Variants in TVP23B observed in about 807,000 individuals in gnomAD.
TVP23B encodes the protein Golgi apparatus membrane protein TVP23 homolog B.
In TVP23B, 10 loss-of-function variants were observed where a neutral mutation model predicts 30.6. That is an observed-to-expected ratio of 0.33 (90% CI 0.20 to 0.55). The LOEUF (loss-of-function observed/expected upper bound fraction) is 0.55, where lower values mean the gene tolerates loss of function less well. TVP23B is among the 20% of genes least tolerant of loss of function. TVP23B has a pLI of 0.91. For synonymous variants in TVP23B, 67 were observed against 83.1 expected (o/e 0.81, Z 1.06); for missense variants, 153 against 243.2 (o/e 0.63, Z 2.47).
At chr17:18,794,213 A>G (rs2036041409) in intron 3 of TVP23B, among the ~76,000 whole-genome samples, 1 of 152,252 alleles carries the variant, frequency 6.6e-6, no homozygotes, top group African/African-American at 2.4e-5. Flanking sequence ...CATCAATTTG[A>G]TAGCAGTATT....
At chr17:18,798,086 A>C (rs1352976490) in intron 4 of TVP23B, among the ~76,000 whole-genome samples, 3 of 152,250 alleles carry the variant, frequency 2.0e-5, no homozygotes, top group African/African-American at 7.2e-5. Context: ...GCAGCTGGAT[A>C]GAATATCTGA....
chr17:18,781,332 G>A (rs1393254591), intron 1 of TVP23B, 27 bp downstream of exon 1: 13 of 1,571,138 alleles, frequency 8.3e-6, no homozygotes, highest in African/African-American at 1.4e-5. Flanking sequence ...TCGCTGGGAG[G>A]GTGGCGGCTC....
rs868129120 is a variant in TVP23B at position 18,781,219 on chromosome 17, G to T, written c.-75G>T. ...CCCTGCTGGCCCTTGGTGACGGGTC[G>T]CCTCAGTTCCGACCCGGACCCGTAC... On this transcript the variant is annotated 5_prime_UTR_variant, in exon 1 of 7. Transcript: ENST00000307767. 1.9e-6 allele frequency: 3 copies of T among 1,545,292 alleles called. No individual in the cohort carries two copies. The highest frequency in any genetic ancestry group is 2.4e-5 in the East Asian group (1 of 40,982).
chr17:18,803,683 G>T (rs1284641444), intron 5 of TVP23B, among the ~76,000 whole-genome samples: 2 of 152,230 alleles, frequency 1.3e-5, no homozygotes, highest in African/African-American at 4.8e-5. Context: ...CAGTTGTCAC[G>T]TAGAGCAGAG....
At chr17:18,785,266 A>G (rs2035884373) in intron 1 of TVP23B, among the ~76,000 whole-genome samples, 1 of 152,162 alleles carries the variant, frequency 6.6e-6, no homozygotes, top group South Asian at 2.1e-4. Flanking sequence ...GCATCTTAAA[A>G]TGTCATTTAG....
At chr17:18,801,330 T>A (rs57502180) in intron 5 of TVP23B, among the ~76,000 whole-genome samples, 1,728 of 152,018 alleles carry the variant, frequency 0.011, 21 homozygotes, top group African/African-American at 0.039. Context: ...TTCACTATAG[T>A]TTTGCATAAA....
At position 18,799,025 on chromosome 17, in the gene TVP23B, C is replaced by T; in HGVS notation, c.462+82C>T. Reference sequence around the variant, plus strand: ...AGGAAGCAACAACTACAACTGAGTCCTTATCATTAGGGACCTATCTTGAAT... The same window carrying T: ...AGGAAGCAACAACTACAACTGAGTCTTTATCATTAGGGACCTATCTTGAAT... On this transcript the variant is annotated intron_variant, in intron 5 of 6. Coordinates refer to ENST00000307767, the MANE Select transcript of TVP23B (RefSeq NM_016078.6). The T allele has an allele frequency of 3.3e-6, 5 of 1,504,774 alleles. No homozygotes were observed. The South Asian group carries it at 4.1e-5, about 12-fold the overall frequency. The allele number at this position is 1,504,774 out of a possible 1,614,324, so 93.2% of individuals were successfully genotyped here.
chr17:18,781,389 C>G, intron 1 of TVP23B, 84 bp downstream of exon 1: 2 of 1,533,022 alleles, frequency 1.3e-6, no homozygotes, highest in Non-Finnish European at 8.8e-7. Context: ...CCGCGTCCCC[C>G]GCGCCCGCTA....
chr17:18,795,342 C>G (rs558814340), intron 3 of TVP23B, among the ~76,000 whole-genome samples: 1 of 152,184 alleles, frequency 6.6e-6, no homozygotes, highest in Admixed American at 6.5e-5. Flanking sequence ...AGCTCTTCTT[C>G]TTTGAGTGTT....
At chr17:18,804,645 G>A in intron 6 of TVP23B, 1 of 1,064,342 alleles carries the variant, frequency 9.4e-7, no homozygotes, top group Non-Finnish European at 1.1e-6. Flanking sequence ...CTGGAGTGCA[G>A]TGGTGCAATC....
intron 1 of TVP23B, among the ~76,000 whole-genome samples, chr17:18,787,673 G>A (rs1597615154): frequency 6.6e-6 from 1 of 152,340 alleles, no homozygotes; most frequent in Non-Finnish European, 1.5e-5. Flanking sequence ...AAAGGCAGGA[G>A]ATGGGAGAGA....
chr17:18,785,385 CT>C (rs61537943), intron 1 of TVP23B, among the ~76,000 whole-genome samples: 31 of 137,742 alleles, frequency 2.3e-4, no homozygotes, highest in Admixed American at 2.2e-4. Context: ...AGCTATTTGT[CT>C]TTTTTTTTTT....
rs1416133866 is a variant in TVP23B at position 18,791,028 on chromosome 17, T to C, written c.228T>C (p.Phe76=). 1 of 1,593,586 alleles carries C rather than the reference T, an allele frequency of 6.3e-7. No homozygotes were observed. Among genetic ancestry groups the C allele is most frequent in the Non-Finnish European group, 8.5e-7 (1 of 1,174,646 alleles). ...TTATCTTGTTGTTGTCGTGTGACTT[T>C]TGGGCAGTGAAGGTAATTTTGATTG... ...VTIILLLSCD[F]WAVKNVTGRL... is the part of the protein sequence containing the mutation. The change falls in exon 3 of 7, where the codon TTT becomes TTC. Residue 76 remains phenylalanine, a synonymous_variant. Transcript: ENST00000307767.
In TVP23B at chr17:18,798,922, C is replaced by T; in HGVS notation, c.441C>T (p.Phe147=). 2 of 1,613,156 alleles carry T rather than the reference C, an allele frequency of 1.2e-6. No homozygotes were observed. The highest frequency in any genetic ancestry group is 2.7e-5 in the African/African-American group (2 of 74,892). The change falls in exon 5 of 7, where the codon TTC becomes TTT. Residue 147 remains phenylalanine (F), a synonymous_variant. Transcript: ENST00000307767. ...LWVIFAFSAL[F]SFRVKWLAVV... is the part of the protein sequence containing the mutation. The stretch of plus-strand genomic sequence containing the variant: ...TGATATTTGCTTTTAGTGCACTCTT[C>T]TCCTTCAGAGTAAAGTGGTTGGTGA...
At chr17:18,788,868 G>A (rs1303062019) in intron 1 of TVP23B, among the ~76,000 whole-genome samples, 5 of 151,892 alleles carry the variant, frequency 3.3e-5, no homozygotes, top group East Asian at 1.9e-4. Context: ...ACAAATCCCC[G>A]AGGAGGCATG....
intron 5 of TVP23B, among the ~76,000 whole-genome samples, chr17:18,802,319 A>C (rs1013216637): frequency 6.6e-6 from 1 of 151,992 alleles, no homozygotes; most frequent in African/African-American, 2.4e-5. Flanking sequence ...CCACCTCCTC[A>C]CTTCTCTTAA....
chr17:18,805,955 T>C lies in TVP23B; in HGVS notation c.*388T>C, dbSNP rs1314697291. On this transcript the variant is annotated 3_prime_UTR_variant, in exon 7 of 7. Coordinates refer to ENST00000307767, the MANE Select transcript of TVP23B (RefSeq NM_016078.6). ...ATGTTCTTAGTCTGTCTCAAAGCTC[T>C]ATATGTTTACATATTATTTCTGTAG... 1 of 982,000 alleles carries C rather than the reference T, an allele frequency of 1.0e-6. No homozygotes were observed. The highest frequency in any genetic ancestry group is 9.8e-5 in the East Asian group (1 of 10,182). 60.8% of individuals were successfully genotyped at this position (982,000 alleles called of 1,614,324 possible).
At chr17:18,791,187 G>GTT (rs762889436) in intron 3 of TVP23B, 147 bp downstream of exon 3, 1,127 of 112,028 alleles carry the variant, frequency 0.01, 7 homozygotes, top group South Asian at 0.026. Flanking sequence ...ATTGCATGTA[G>GTT]TTTTTTTTTT....
chr17:18,799,066 G>A (rs1426893098), intron 5 of TVP23B, 123 bp downstream of exon 5: 5 of 1,225,568 alleles, frequency 4.1e-6, no homozygotes, highest in Non-Finnish European at 4.4e-6. Context: ...GCTTCATCAT[G>A]TAATTCCCAA....
Sources: gnomAD v4.1 joint callset for allele counts (sites outside exome capture counted in the v4.1 genomes callset) on GRCh38, gnomAD v4.1.1 for gene constraint, MANE v1.5 for transcripts, NCBI Gene and HGNC (gene_info 2026-07-23, HGNC 2026-07-21) for gene names.